ST3GAL1: variants seen among roughly 807,000 people sequenced by gnomAD.
ST3GAL1 encodes ST3 beta-galactoside alpha-2,3-sialyltransferase 1.
ST3GAL1 carries 16 observed loss-of-function variants against 34.1 expected under a neutral mutation model. The ratio of observed to expected loss-of-function variants is 0.47; its 90% CI spans 0.32 to 0.71. The LOEUF (loss-of-function observed/expected upper bound fraction) is 0.71, where lower values mean the gene tolerates loss of function less well. Among genes scored for constraint, ST3GAL1 ranks in the 30% least tolerant of loss-of-function variants. The pLI, the probability that ST3GAL1 is intolerant of heterozygous loss-of-function variation, is 0.04. For synonymous variants in ST3GAL1, 191 were observed against 184.7 expected (o/e 1.03, Z -0.28); for missense variants, 353 against 447.4 (o/e 0.79, Z 1.90).
intron 3 of ST3GAL1, among the ~76,000 whole-genome samples, chr8:133,487,501 T>C (rs1366024448): frequency 6.6e-6 from 1 of 152,232 alleles, no homozygotes; most frequent in Non-Finnish European, 1.5e-5. Flanking sequence ...ACCTACTACA[T>C]GCAGACCCTT....
chr8:133,555,877 T>C (rs1372462442), intron 1 of ST3GAL1, among the ~76,000 whole-genome samples: 1 of 151,964 alleles, frequency 6.6e-6, no homozygotes, highest in Non-Finnish European at 1.5e-5. Flanking sequence ...GTTGTTGTTG[T>C]TGTTTGTTTG....
At chr8:133,484,539 T>C (rs960330990) in intron 3 of ST3GAL1, among the ~76,000 whole-genome samples, 4 of 152,200 alleles carry the variant, frequency 2.6e-5, no homozygotes, top group African/African-American at 7.2e-5. Context: ...ACACACTCTG[T>C]GCTCGGCATG....
At position 133,562,707 on chromosome 8, in the gene ST3GAL1, T is replaced by C. The variant is rs138398964; in HGVS notation, c.-582+8986A>G. Among the ~76,000 whole-genome samples the C allele has an allele frequency of 3.1e-4, 47 of 152,238 alleles. No homozygotes were observed. In the East Asian group the frequency reaches 7.9e-3, roughly 26 times the overall value. On this transcript the variant is annotated intron_variant, in intron 1 of 9. Transcript: ENST00000522652. ...AAGGCAGGGAAGGAGAATAGAGTCC[T>C]TTAATACTTGGCCAATTCAGGGGAT... is the stretch of plus-strand genomic sequence containing the variant.
At chr8:133,481,073 T>C (rs1043359565) in intron 3 of ST3GAL1, among the ~76,000 whole-genome samples, 3 of 152,182 alleles carry the variant, frequency 2.0e-5, no homozygotes, top group African/African-American at 7.2e-5. Context: ...ATAATGTGGG[T>C]GTATTTCTAT....
rs1815877211 is a variant in ST3GAL1 at position 133,469,704 on chromosome 8, G to A, written c.307-3614C>T. ...CTCTCCTCTCCCTTAGAACAAGGCT[G>A]ACAAGCGCTGACAAGGTGCAAAGTA... On this transcript the variant is annotated intron_variant, in intron 5 of 9. Transcript: ENST00000522652. The surrounding 1 kb of genome is among the most constrained non-coding windows in gnomAD (Gnocchi z 4.3). Among the ~76,000 whole-genome samples the A allele has an allele frequency of 6.6e-6, 1 of 152,228 alleles. No homozygotes were observed. Among genetic ancestry groups the A allele is most frequent in the African/African-American group, 2.4e-5 (1 of 41,444 alleles).
intron 2 of ST3GAL1, among the ~76,000 whole-genome samples, chr8:133,534,403 C>T (rs773142295): frequency 2.3e-4 from 35 of 151,958 alleles, no homozygotes; most frequent in South Asian, 4.2e-4. Flanking sequence ...GGCACAAATG[C>T]TTGCCAAATG....
intron 2 of ST3GAL1, among the ~76,000 whole-genome samples, chr8:133,519,415 C>A (rs2945746): frequency 0.68 from 103,455 of 152,068 alleles, 35,351 homozygotes; most frequent in Middle Eastern, 0.74. Context: ...CAATTCCATT[C>A]CTGGGTAAAT....
At chr8:133,541,132 G>T (rs1175432351) in intron 2 of ST3GAL1, among the ~76,000 whole-genome samples, 6 of 133,362 alleles carry the variant, frequency 4.5e-5, no homozygotes, top group African/African-American at 1.5e-4. Context: ...GAGAGAGAGA[G>T]AGAGAGAGAG....
intron 1 of ST3GAL1, among the ~76,000 whole-genome samples, chr8:133,552,862 C>T (rs558259446): frequency 9.9e-5 from 15 of 152,164 alleles, no homozygotes; most frequent in Non-Finnish European, 1.9e-4. Flanking sequence ...GCCAACAGCA[C>T]GCAAAGCATC....
At position 133,571,289 on chromosome 8, in the gene ST3GAL1, T is replaced by A. The variant is rs954380750; in HGVS notation, c.-582+404A>T. 1.3e-4 allele frequency among the ~76,000 whole-genome samples: 19 copies of A among 151,974 alleles called. No individual in the cohort carries two copies. Among genetic ancestry groups the A allele is most frequent in the Non-Finnish European group, 5.9e-5 (4 of 68,006 alleles). On this transcript the variant is annotated intron_variant, in intron 1 of 9. Transcript: ENST00000522652. This position sits in a 1 kb window ranked among gnomAD's most constrained non-coding sequence, Gnocchi z 6.7. ...CCACGGGCGGCCCCAGCGGAGGAGA[T>A]CCCAGCCCGGCGCCGGGTGCAATGT...
At chr8:133,534,767 T>C (rs1203476080) in intron 2 of ST3GAL1, among the ~76,000 whole-genome samples, 1 of 152,146 alleles carries the variant, frequency 6.6e-6, no homozygotes, top group Non-Finnish European at 1.5e-5. Context: ...AGATATCATG[T>C]CTATCAAACC....
At chr8:133,530,966 C>A (rs1003349089) in intron 2 of ST3GAL1, among the ~76,000 whole-genome samples, 1 of 152,110 alleles carries the variant, frequency 6.6e-6, no homozygotes, top group Non-Finnish European at 1.5e-5. Flanking sequence ...TCCGGTGACA[C>A]AAAGAGGTGA....
At chr8:133,497,827 G>A (rs1465838433) in intron 3 of ST3GAL1, among the ~76,000 whole-genome samples, 1 of 152,040 alleles carries the variant, frequency 6.6e-6, no homozygotes, top group Non-Finnish European at 1.5e-5. Flanking sequence ...CAGACACTTG[G>A]AGGTAACTAA....
chr8:133,465,429 T>C (rs1295719507), intron 6 of ST3GAL1, among the ~76,000 whole-genome samples: 1 of 152,166 alleles, frequency 6.6e-6, no homozygotes, highest in African/African-American at 2.4e-5. Context: ...GTGGAACACT[T>C]GTGAGTGGTA....
At chr8:133,494,756 A>C (rs1431807566) in intron 3 of ST3GAL1, among the ~76,000 whole-genome samples, 1 of 151,944 alleles carries the variant, frequency 6.6e-6, no homozygotes, top group Non-Finnish European at 1.5e-5. Context: ...CAAGCACAGG[A>C]CCTACACACA....
intron 2 of ST3GAL1, among the ~76,000 whole-genome samples, chr8:133,527,491 C>A (rs904279896): frequency 1.3e-5 from 2 of 152,102 alleles, no homozygotes; most frequent in Non-Finnish European, 2.9e-5. Flanking sequence ...AATCAGATTG[C>A]CAGGTTCAAA....
At chr8:133,529,063 C>T (rs1016068835) in intron 2 of ST3GAL1, among the ~76,000 whole-genome samples, 5 of 152,222 alleles carry the variant, frequency 3.3e-5, no homozygotes, top group East Asian at 3.8e-4. Context: ...TGGGACAAAG[C>T]GAACCAGTGG....
chr8:133,532,204 G>A (rs984158163), intron 2 of ST3GAL1, among the ~76,000 whole-genome samples: 1 of 152,134 alleles, frequency 6.6e-6, no homozygotes, highest in Non-Finnish European at 1.5e-5. Context: ...GGGCACAGTG[G>A]CTTACACCTG....
chr8:133,543,675 A>C (rs1251440254), intron 2 of ST3GAL1, among the ~76,000 whole-genome samples: 10 of 152,184 alleles, frequency 6.6e-5, no homozygotes, highest in Admixed American at 6.5e-4. Flanking sequence ...TACTTAGTGC[A>C]TTGTATGTGC....
Sources: gnomAD v4.1 joint callset for allele counts (sites outside exome capture counted in the v4.1 genomes callset) on GRCh38, gnomAD v4.1.1 for gene constraint, Gnocchi (gnomAD v3.1) non-coding constraint, MANE v1.5 for transcripts, NCBI Gene and HGNC (gene_info 2026-07-23, HGNC 2026-07-21) for gene names.